The following NEURL1 variants were observed in gnomAD, a reference collection of about 807,000 sequenced individuals.
NEURL1 encodes neuralized E3 ubiquitin protein ligase 1.
In NEURL1, 26 loss-of-function variants were observed where a neutral mutation model predicts 41.2. That is an observed-to-expected ratio of 0.63 (90% CI 0.46 to 0.87). The LOEUF (loss-of-function observed/expected upper bound fraction) is 0.87, where lower values mean the gene tolerates loss of function less well. NEURL1 is among the 40% of genes least tolerant of loss of function. The pLI, the probability that NEURL1 is intolerant of heterozygous loss-of-function variation, is 0.00. For synonymous variants in NEURL1, 400 were observed against 402.3 expected, an observed-to-expected ratio of 0.99 and a Z score of 0.07; for missense variants, 761 against 871.1, an observed-to-expected ratio of 0.87 and a Z score of 1.59.
chr10:103,497,587 C>T (rs1179319262), intron 1 of NEURL1, among the ~76,000 whole-genome samples: 1 of 152,206 alleles, frequency 6.6e-6, no homozygotes, highest in Non-Finnish European at 1.5e-5. Context: ...ACCCCACCAT[C>T]GCCTCTCGGG....
At chr10:103,550,636 G>A (rs1482656906) in intron 1 of NEURL1, 1 of 152,202 alleles carries the variant, frequency 6.6e-6, no homozygotes, top group Non-Finnish European at 1.5e-5. Flanking sequence ...CTGTCTTCTG[G>A]AAAACGTCTA....
Position 103,590,378 on chromosome 10 carries a change from T to TG in NEURL1, c.*7dup, listed in dbSNP as rs1197846216. On this transcript the variant is annotated 3_prime_UTR_variant, in exon 6 of 6. Coordinates refer to ENST00000369780, the MANE Select transcript of NEURL1 (RefSeq NM_004210.5). ...AGACCTACCGCAGCTCCTAGCCCGT[T>TG]GCGGTGGCCCATCCCGCATACCCAT... is the stretch of plus-strand genomic sequence containing the variant. 1 of 1,609,344 alleles carries TG rather than the reference T, an allele frequency of 6.2e-7. No homozygotes were observed. The highest frequency in any genetic ancestry group is 1.3e-5 in the African/African-American group (1 of 74,862).
At chr10:103,544,165 G>C (rs2034879546) in intron 1 of NEURL1, among the ~76,000 whole-genome samples, 1 of 152,188 alleles carries the variant, frequency 6.6e-6, no homozygotes, top group Admixed American at 6.5e-5. Flanking sequence ...CCAGGGGAGG[G>C]AAGGAGGGGA....
At chr10:103,525,358 C>CTTTTTTCT (rs1564810115) in intron 1 of NEURL1, among the ~76,000 whole-genome samples, 19 of 136,100 alleles carry the variant, frequency 1.4e-4, no homozygotes, top group South Asian at 7.2e-4. Flanking sequence ...TTTCTTTTTT[C>CTTTTTTCT]TTTTTTTTTT....
intron 1 of NEURL1, among the ~76,000 whole-genome samples, chr10:103,501,773 C>T (rs1038336881): frequency 6.6e-5 from 10 of 152,098 alleles, no homozygotes; most frequent in Admixed American, 5.9e-4. Context: ...GCTGGGACTA[C>T]AGGCGCCTGC....
At position 103,556,840 on chromosome 10, in the gene NEURL1, T is replaced by C. The variant is rs1039393967; in HGVS notation, c.86-14032T>C. Among the ~76,000 whole-genome samples the C allele has an allele frequency of 1.3e-5, 2 of 152,098 alleles. No individual in the cohort carries two copies. The highest frequency in any genetic ancestry group is 4.8e-5 in the African/African-American group (2 of 41,450). On this transcript the variant is annotated intron_variant, in intron 1 of 5. Coordinates refer to ENST00000369780, the MANE Select transcript of NEURL1 (RefSeq NM_004210.5). This position sits in a 1 kb window ranked among gnomAD's most constrained non-coding sequence, Gnocchi z 4.4. ...GTGGGGTGGGGGCTCTTCTCAGGGC[T>C]TGCTGGCCCCGGCGGGGCCTGTTGG... is the stretch of plus-strand genomic sequence containing the variant.
At chr10:103,503,679 C>T (rs2033876943) in intron 1 of NEURL1, among the ~76,000 whole-genome samples, 2 of 151,900 alleles carry the variant, frequency 1.3e-5, no homozygotes, top group African/African-American at 4.8e-5. Flanking sequence ...CCAGCTTACC[C>T]TTTAGTGGGA....
At position 103,508,256 on chromosome 10, in the gene NEURL1, C is replaced by T. The variant is rs2033992513; in HGVS notation, c.85+13784C>T. On this transcript the variant is annotated intron_variant, in intron 1 of 5. Coordinates refer to ENST00000369780, the MANE Select transcript of NEURL1 (RefSeq NM_004210.5). The surrounding 1 kb of genome is among the most constrained non-coding windows in gnomAD (Gnocchi z 4.3). Reference sequence around the variant, plus strand: ...TCCCCTCCCATGACAGAATTCACAGCACACTTTACAGAGGAGACACTGAGT... The same window carrying T: ...TCCCCTCCCATGACAGAATTCACAGTACACTTTACAGAGGAGACACTGAGT... Among the ~76,000 whole-genome samples the T allele has an allele frequency of 6.6e-6, 1 of 152,226 alleles. No individual in the cohort carries two copies. The highest frequency in any genetic ancestry group is 2.4e-5 in the African/African-American group (1 of 41,454).
intron 1 of NEURL1, among the ~76,000 whole-genome samples, chr10:103,510,035 C>G (rs1339128896): frequency 6.6e-6 from 1 of 152,042 alleles, no homozygotes; most frequent in African/African-American, 2.4e-5. Context: ...GTCTTGTACC[C>G]TGGGAGGAAG....
chr10:103,543,932 G>C (rs1592210300), intron 1 of NEURL1, among the ~76,000 whole-genome samples: 1 of 152,170 alleles, frequency 6.6e-6, no homozygotes, highest in Admixed American at 6.5e-5. Context: ...GGGTAGGGGG[G>C]GTCATGGAAG....
intron 3 of NEURL1, among the ~76,000 whole-genome samples, chr10:103,583,492 G>A (rs902134890): frequency 2.6e-5 from 4 of 151,956 alleles, no homozygotes; most frequent in African/African-American, 9.7e-5. Context: ...GAGGCAGGAG[G>A]ATCGCTTGAG....
Position 103,494,185 on chromosome 10 carries a change from A to C in NEURL1, c.-203A>C. The C allele has an allele frequency of 2.0e-6, 1 of 495,290 alleles. No homozygotes were observed. The highest frequency in any genetic ancestry group is 3.5e-6 in the Non-Finnish European group (1 of 282,398). The allele number at this position is 495,290 out of a possible 1,614,324, so 30.7% of individuals were successfully genotyped here. On this transcript the variant is annotated 5_prime_UTR_variant, in exon 1 of 6. Coordinates refer to ENST00000369780, the MANE Select transcript of NEURL1 (RefSeq NM_004210.5). ...CAGGTAGCCCAGCCTGCGCCAGGAC[A>C]CCCGTGGCGGGCGGAACCCGCCAAG...
At chr10:103,527,022 G>T (rs1393847174) in intron 1 of NEURL1, among the ~76,000 whole-genome samples, 1 of 151,938 alleles carries the variant, frequency 6.6e-6, no homozygotes, top group African/African-American at 2.4e-5. Context: ...AGGGCTCCTG[G>T]TTGGCTATTT....
In NEURL1 at chr10:103,589,663, A is replaced by G; in HGVS notation, c.1486+3A>G. ...CCCTCTGGGTAGCTCTGCTGGTGGT[A>G]AGTAGGCTGGCTCCTCTGTTCCTTG... On this transcript the variant is annotated splice_donor_region_variant and intron_variant, in intron 5 of 5. Transcript: ENST00000369780. 1 of 1,606,274 alleles carries G rather than the reference A, an allele frequency of 6.2e-7. No individual in the cohort carries two copies. Among genetic ancestry groups the G allele is most frequent in the Non-Finnish European group, 8.5e-7 (1 of 1,175,366 alleles).
chr10:103,497,471 T>C (rs1047657862), intron 1 of NEURL1, among the ~76,000 whole-genome samples: 2 of 152,194 alleles, frequency 1.3e-5, no homozygotes, highest in East Asian at 1.9e-4. Context: ...TTCCTCACCA[T>C]TTTAATTAAA....
At chr10:103,543,621 G>C (rs1292406452) in intron 1 of NEURL1, among the ~76,000 whole-genome samples, 3 of 152,196 alleles carry the variant, frequency 2.0e-5, no homozygotes, top group Non-Finnish European at 4.4e-5. Flanking sequence ...TACCTTCAGG[G>C]TGCTCCCAGT....
At chr10:103,515,571 A>C (rs2034185128) in intron 1 of NEURL1, among the ~76,000 whole-genome samples, 1 of 152,254 alleles carries the variant, frequency 6.6e-6, no homozygotes, top group South Asian at 2.1e-4. Context: ...GCTGTTTATA[A>C]AGGTATAGTA....
chr10:103,589,639 C>G lies in NEURL1; in HGVS notation c.1465C>G (p.Pro489Ala), dbSNP rs370963683. The change falls in exon 5 of 6, where the codon CCT becomes GCT. Residue 489 changes from proline (P) to alanine (A), a missense_variant. Pro to Ala is a conservative substitution (Grantham distance 27). Transcript: ENST00000369780. ...CTTGCTCAGCACGTGCAGCTCTGGC[C>G]CTCTGGGTAGCTCTGCTGGTGGTAA... ...DPLLSTCSSG[P>A]LGSSAGGTAP... is the part of the protein sequence containing the mutation. The G allele has an allele frequency of 7.4e-6, 12 of 1,612,150 alleles. No homozygotes were observed. The highest frequency in any genetic ancestry group is 1.6e-4 in the Middle Eastern group (1 of 6,078).
chr10:103,508,924 C>T lies in NEURL1; in HGVS notation c.85+14452C>T, dbSNP rs751302424. On this transcript the variant is annotated intron_variant, in intron 1 of 5. Transcript: ENST00000369780. This position sits in a 1 kb window ranked among gnomAD's most constrained non-coding sequence, Gnocchi z 4.3. Reference sequence around the variant, plus strand: ...AAGAAACCAAATACAGGGTCAGGTGCGGTGGCTCATGTCTGTAATCCCAGC... The same window carrying T: ...AAGAAACCAAATACAGGGTCAGGTGTGGTGGCTCATGTCTGTAATCCCAGC... Among the ~76,000 whole-genome samples the T allele has an allele frequency of 3.9e-5, 6 of 152,244 alleles. No homozygotes were observed. The East Asian group carries it at 5.8e-4, about 15-fold the overall frequency.
Sources: gnomAD v4.1 joint callset for allele counts (sites outside exome capture counted in the v4.1 genomes callset) on GRCh38, gnomAD v4.1.1 for gene constraint, Gnocchi (gnomAD v3.1) non-coding constraint, MANE v1.5 for transcripts, NCBI Gene and HGNC (gene_info 2026-07-23, HGNC 2026-07-21) for gene names.